Variants in SAP18 observed in about 807,000 individuals in gnomAD.
SAP18 encodes Sin3A associated protein 18.
SAP18 carries 4 observed loss-of-function variants against 18.6 expected under a neutral mutation model. The observed-to-expected ratio is 0.21, with a 90% CI of 0.11 to 0.49. The LOEUF is 0.49. Ranked by LOEUF, SAP18 falls within the 20% of genes least tolerant of loss-of-function variation. The probability of loss-of-function intolerance (pLI) is 0.98; values close to 1 mark genes in which losing one functional copy is unlikely to be tolerated. For synonymous variants in SAP18, 112 were observed against 82.8 expected (o/e 1.35, Z -1.92); for missense variants, 170 against 226.4 (o/e 0.75, Z 1.60).
chr13:21,143,561 CCAA>C (rs1270746814), intron 2 of SAP18, among the ~76,000 whole-genome samples: 1 of 152,148 alleles, frequency 6.6e-6, no homozygotes, highest in Non-Finnish European at 1.5e-5. Flanking sequence ...TATGTTTCTT[CCAA>C]CAAGAGTTCC....
In SAP18 at chr13:21,140,996, G is replaced by GATGGA; in HGVS notation, c.239+1_239+2insATGGA. Reference sequence around the variant, plus strand: ...CCAGCGAGTTGCAGATCTACACTTGGTGAGGAGGGCGGGGTGGCCTCAGGG... The same window carrying GATGGA: ...CCAGCGAGTTGCAGATCTACACTTGGATGGATGAGGAGGGCGGGGTGGCCTCAGGG... On this transcript the variant is annotated splice_donor_variant, in intron 2 of 3. Transcript: ENST00000621421. LOFTEE classifies it high-confidence loss of function. 6.2e-7 allele frequency: 1 copy of GATGGA among 1,605,720 alleles called. No homozygotes were observed. Among genetic ancestry groups the GATGGA allele is most frequent in the Non-Finnish European group, 8.5e-7 (1 of 1,172,876 alleles).
chr13:21,147,452 A>G (rs1869688317), exon 4 of SAP18: 6 of 928,160 alleles, frequency 6.5e-6, no homozygotes, highest in Non-Finnish European at 6.6e-6. Flanking sequence ...TAAACAAATT[A>G]TAATGCATCA....
chr13:21,140,755 G>C (rs781236337), intron 1 of SAP18, 74 bp downstream of exon 1: 2 of 1,592,946 alleles, frequency 1.3e-6, no homozygotes, highest in African/African-American at 2.7e-5. Context: ...GGCGCGGCCT[G>C]TGTGCTGGAG....
intron 2 of SAP18, among the ~76,000 whole-genome samples, chr13:21,143,039 A>G (rs776561233): frequency 4.6e-5 from 7 of 152,222 alleles, no homozygotes; most frequent in Non-Finnish European, 8.8e-5. Context: ...TTTTAGGGTT[A>G]ATGTTGTAGC....
exon 1 of SAP18, chr13:21,140,514 TA>T: frequency 6.4e-7 from 1 of 1,552,296 alleles, no homozygotes; most frequent in South Asian, 1.2e-5. Context: ...TGGCCGACTA[TA>T]AAGTGTCGAG....
chr13:21,141,849 TA>T (rs1403145502), intron 2 of SAP18, among the ~76,000 whole-genome samples: 1 of 151,914 alleles, frequency 6.6e-6, no homozygotes, highest in Admixed American at 6.6e-5. Flanking sequence ...GTATTTTTAG[TA>T]GAGATGGGGT....
In SAP18 at chr13:21,140,589, C is replaced by G. The variant is rs763338973; in HGVS notation, c.37C>G (p.Leu13Val). Residue 13 changes from leucine to valine, a missense_variant, in exon 1 of 4, where the codon CTC becomes GTC. Physicochemically the swap from Leu to Val is conservative, Grantham distance 32. Around this residue, in one of 2 missense-constraint regions of SAP18, gnomAD observed 60 missense variants for 26.2 expected, o/e 2.29. Coordinates refer to ENST00000621421, the Ensembl canonical transcript of SAP18. ...AGGGGTCGGAGGTCAGGGCGAGCGT[C>G]TCGCAGGCCGTAGGAGGAAGATGGC... The G allele has an allele frequency of 1.9e-6, 3 of 1,609,008 alleles. No homozygotes were observed. The South Asian group carries it at 3.3e-5, about 18-fold the overall frequency.
chr13:21,140,665 C>A, exon 1 of SAP18: 4 of 1,612,036 alleles, frequency 2.5e-6, no homozygotes, highest in Non-Finnish European at 3.4e-6. Flanking sequence ...CCAGAGAAAC[C>A]GATCGACCGC....
exon 4 of SAP18, chr13:21,147,516 A>G: frequency 1.6e-6 from 1 of 627,244 alleles, no homozygotes; most frequent in Non-Finnish European, 2.8e-6. Flanking sequence ...AATAGTCTGT[A>G]TGTTTCAAGC....
At chr13:21,145,228 T>G (rs923729485) in intron 2 of SAP18, among the ~76,000 whole-genome samples, 1 of 151,590 alleles carries the variant, frequency 6.6e-6, no homozygotes, top group Admixed American at 6.6e-5. Flanking sequence ...CAAACTTCCT[T>G]TCATGCACAC....
At chr13:21,142,857 G>C (rs926624451) in intron 2 of SAP18, among the ~76,000 whole-genome samples, 1 of 152,136 alleles carries the variant, frequency 6.6e-6, no homozygotes, top group Admixed American at 6.6e-5. Context: ...CCAGTGTGCC[G>C]GTACCCTGTT....
At position 21,140,577 on chromosome 13, in the gene SAP18, C is replaced by G. The variant is rs762835068; in HGVS notation, c.25C>G (p.Gln9Glu). ...CATGCTCGCTGCAGGGGTCGGAGGT[C>G]AGGGCGAGCGTCTCGCAGGCCGTAG... is the stretch of plus-strand genomic sequence containing the variant. The change falls in exon 1 of 4, where the codon CAG becomes GAG. Residue 9 changes from glutamine (Q) to glutamate (E), a missense_variant. By Grantham distance (29) the Gln-to-Glu change is conservative. Transcript: ENST00000621421. 6 of 1,604,494 alleles carry G rather than the reference C, an allele frequency of 3.7e-6. 1 individual carries two copies. Among genetic ancestry groups the G allele is most frequent in the African/African-American group, 1.3e-5 (1 of 74,614 alleles).
chr13:21,147,101 G>A (rs1248382207), intron 3 of SAP18, 85 bp from the exon 4 acceptor site: 10 of 1,475,360 alleles, frequency 6.8e-6, no homozygotes, highest in Non-Finnish European at 9.2e-6. Context: ...AAATGATGGA[G>A]AAAATCCAGT....
chr13:21,143,069 G>A (rs189417605), intron 2 of SAP18, among the ~76,000 whole-genome samples: 1 of 152,256 alleles, frequency 6.6e-6, no homozygotes, highest in Non-Finnish European at 1.5e-5. Context: ...GCCTTGTCAA[G>A]GCTGAATCAT....
Position 21,146,930 on chromosome 13 carries a change from A to G in SAP18, c.362+3A>G. On this transcript the variant is annotated splice_donor_region_variant and intron_variant, in intron 3 of 3. Transcript: ENST00000621421. ...GATGTTAAAAGACCTGGCTATCGGT[A>G]GGTAACTTCTCATTTTTAAGTCCTG... 1 of 1,602,412 alleles carries G rather than the reference A, an allele frequency of 6.2e-7. No homozygotes were observed. The highest frequency in any genetic ancestry group is 1.7e-4 in the Middle Eastern group (1 of 6,006).
At chr13:21,141,151 G>C (rs1274813753) in intron 2 of SAP18, 156 bp downstream of exon 2, 1 of 619,158 alleles carries the variant, frequency 1.6e-6, no homozygotes, top group African/African-American at 1.8e-5. Context: ...AGTTTTTGTT[G>C]TTAGGTGAAA....
chr13:21,145,850 C>T (rs1262643342), intron 2 of SAP18, among the ~76,000 whole-genome samples: 1 of 152,116 alleles, frequency 6.6e-6, no homozygotes, highest in African/African-American at 2.4e-5. Flanking sequence ...TTCTAAGATG[C>T]TTATATGTTA....
chr13:21,141,272 G>C, intron 2 of SAP18: 1 of 487,570 alleles, frequency 2.1e-6, no homozygotes, highest in Non-Finnish European at 3.7e-6. Context: ...AGGTACAAAA[G>C]TGATAGGTAG....
chr13:21,145,053 A>G (rs1253485907), intron 2 of SAP18, among the ~76,000 whole-genome samples: 1 of 149,690 alleles, frequency 6.7e-6, no homozygotes, highest in East Asian at 1.9e-4. Context: ...TGCACACATA[A>G]GTTCTTGACC....
Sources: gnomAD v4.1 joint callset for allele counts (sites outside exome capture counted in the v4.1 genomes callset) on GRCh38, gnomAD v4.1.1 for gene constraint, gnomAD v4.1.1 regional missense constraint, MANE v1.5 for transcripts, NCBI Gene and HGNC (gene_info 2026-07-23, HGNC 2026-07-21) for gene names.